TPD52: variants seen among roughly 807,000 people sequenced by gnomAD.
TPD52 encodes tumor protein D52, also known as prostate and colon associated protein.
A neutral mutation model predicts 31.3 loss-of-function variants in TPD52; 17 were observed. The ratio of observed to expected loss-of-function variants is 0.54; its 90% confidence interval spans 0.37 to 0.82. The LOEUF (loss-of-function observed/expected upper bound fraction) is 0.82, where lower values mean the gene tolerates loss of function less well. Ranked by LOEUF, TPD52 falls within the 40% of genes least tolerant of loss-of-function variation. TPD52 has a pLI of 0.00. For missense variants in TPD52, 212 were observed against 240.1 expected (o/e 0.88, Z 0.77); for synonymous variants, 83 against 89.6 (o/e 0.93, Z 0.42).
intron 1 of TPD52, among the ~76,000 whole-genome samples, chr8:80,113,256 T>C (rs1393955951): frequency 8.3e-6 from 1 of 119,908 alleles, no homozygotes; most frequent in Non-Finnish European, 1.6e-5. Context: ...TTAGAATGGC[T>C]ATTGTCAAAA....
At chr8:80,155,468 T>G (rs1810900202) in intron 1 of TPD52, among the ~76,000 whole-genome samples, 1 of 152,088 alleles carries the variant, frequency 6.6e-6, no homozygotes, top group Non-Finnish European at 1.5e-5. Flanking sequence ...AGTGCTGGAT[T>G]TCTGCAAGGC....
intron 1 of TPD52, among the ~76,000 whole-genome samples, chr8:80,163,176 A>T (rs774923505): frequency 2.6e-5 from 4 of 152,214 alleles, no homozygotes; most frequent in Non-Finnish European, 5.9e-5. Context: ...TTGCACACTC[A>T]TGTTCATTAC....
chr8:80,116,945 A>T (rs1807906049), intron 1 of TPD52, among the ~76,000 whole-genome samples: 1 of 152,214 alleles, frequency 6.6e-6, no homozygotes, highest in Non-Finnish European at 1.5e-5. Flanking sequence ...GCATTTGACA[A>T]GATTCATCAC....
intron 1 of TPD52, among the ~76,000 whole-genome samples, chr8:80,093,584 A>G (rs1816456196): frequency 6.6e-6 from 1 of 152,198 alleles, no homozygotes; most frequent in Non-Finnish European, 1.5e-5. Flanking sequence ...ACAAACTTCT[A>G]TCATCAGCAA....
At chr8:80,050,507 A>G in intron 4 of TPD52, 36 bp from the exon 5 acceptor site, 1 of 1,580,196 alleles carries the variant, frequency 6.3e-7, no homozygotes, top group Non-Finnish European at 8.6e-7. Flanking sequence ...AAAAAGAAAG[A>G]AGTTCTGATA....
chr8:80,099,332 C>A (rs1806558398), intron 1 of TPD52, among the ~76,000 whole-genome samples: 1 of 152,042 alleles, frequency 6.6e-6, no homozygotes, highest in Non-Finnish European at 1.5e-5. Flanking sequence ...ATCGCCTGAC[C>A]AACTGTAGCT....
chr8:80,112,108 T>C (rs2370370), intron 1 of TPD52, among the ~76,000 whole-genome samples: 67,148 of 151,492 alleles, frequency 0.44, 15,285 homozygotes, highest in East Asian at 0.79. Flanking sequence ...ACAAATAAAA[T>C]ACCCAGGGTG....
At chr8:80,069,483 A>C (rs1813526666) in intron 1 of TPD52, among the ~76,000 whole-genome samples, 1 of 151,330 alleles carries the variant, frequency 6.6e-6, no homozygotes, top group Non-Finnish European at 1.5e-5. Context: ...AACAACAAAA[A>C]TTTTAATAAA....
intron 1 of TPD52, among the ~76,000 whole-genome samples, chr8:80,141,279 C>A (rs1451433957): frequency 6.6e-6 from 1 of 152,182 alleles, no homozygotes; most frequent in Non-Finnish European, 1.5e-5. Flanking sequence ...ATCTCTATGA[C>A]CCCCAATATC....
In TPD52 at chr8:80,037,579, A is replaced by G. The variant is rs953649457; in HGVS notation, c.*537T>C. Reference sequence around the variant, plus strand: ...TCTGGTGTCTTCAACCAAAATATGTACCTTATACCAAAACAATGCTTATTC... The same window carrying G: ...TCTGGTGTCTTCAACCAAAATATGTGCCTTATACCAAAACAATGCTTATTC... On this transcript the variant is annotated 3_prime_UTR_variant, in exon 8 of 8. Transcript: ENST00000518937. The G allele has an allele frequency of 6.6e-6, 1 of 152,316 alleles. No individual in the cohort carries two copies. The highest frequency in any genetic ancestry group is 1.5e-5 in the Non-Finnish European group (1 of 68,126). 9.4% of individuals were successfully genotyped at this position (152,316 alleles called of 1,614,324 possible).
chr8:80,078,266 T>C (rs143353030), intron 1 of TPD52, among the ~76,000 whole-genome samples: 29 of 152,332 alleles, frequency 1.9e-4, no homozygotes, highest in African/African-American at 6.7e-4. Flanking sequence ...TCAGAGATAT[T>C]TTTCACTCTT....
At chr8:80,114,620 C>T (rs535488559) in intron 1 of TPD52, among the ~76,000 whole-genome samples, 1 of 152,244 alleles carries the variant, frequency 6.6e-6, no homozygotes, top group Admixed American at 6.5e-5. Context: ...AAAATTAGGC[C>T]CTAACTGACC....
chr8:80,115,162 A>G (rs573531201), intron 1 of TPD52, among the ~76,000 whole-genome samples: 26 of 152,200 alleles, frequency 1.7e-4, no homozygotes, highest in Non-Finnish European at 3.5e-4. Flanking sequence ...GCTGCCCTAC[A>G]TTCAACCACT....
At chr8:80,169,973 T>C (rs957163250) in intron 1 of TPD52, among the ~76,000 whole-genome samples, 9 of 152,252 alleles carry the variant, frequency 5.9e-5, no homozygotes, top group African/African-American at 1.9e-4. Context: ...ATACAGGTAA[T>C]GTATAATATA....
chr8:80,087,590 G>A (rs545340334), intron 1 of TPD52, among the ~76,000 whole-genome samples: 3 of 152,350 alleles, frequency 2.0e-5, no homozygotes, highest in East Asian at 1.9e-4. Flanking sequence ...CAGCAATCAC[G>A]GGGGCAGGGC....
chr8:80,079,574 T>TA (rs989567750), intron 1 of TPD52, among the ~76,000 whole-genome samples: 2 of 152,152 alleles, frequency 1.3e-5, no homozygotes, highest in African/African-American at 4.8e-5. Flanking sequence ...AGGAAAAAAT[T>TA]AACTTCTGGA....
At chr8:80,070,388 G>C (rs1813640800) in intron 1 of TPD52, among the ~76,000 whole-genome samples, 1 of 152,176 alleles carries the variant, frequency 6.6e-6, no homozygotes, top group South Asian at 2.1e-4. Flanking sequence ...GCAGTCCCCA[G>C]TGTTTTTTGC....
At chr8:80,052,055 A>C (rs1811436025) in intron 3 of TPD52, among the ~76,000 whole-genome samples, 1 of 152,258 alleles carries the variant, frequency 6.6e-6, no homozygotes, top group Non-Finnish European at 1.5e-5. Flanking sequence ...AAGGGCCAGA[A>C]GCAATTAGTA....
chr8:80,049,990 T>C (rs1004736230), intron 5 of TPD52, among the ~76,000 whole-genome samples: 1 of 151,968 alleles, frequency 6.6e-6, no homozygotes, highest in East Asian at 1.9e-4. Context: ...GAGTAACCAA[T>C]AGAAGATGGA....
Sources: allele counts gnomAD v4.1 joint callset (sites outside exome capture counted in the v4.1 genomes callset), GRCh38; gene constraint gnomAD v4.1.1; transcripts MANE v1.5; gene names NCBI Gene and HGNC (gene_info 2026-07-23, HGNC 2026-07-21).